The following MMS19 variants were observed in gnomAD, a reference collection of about 807,000 sequenced individuals.
The protein encoded by MMS19 is MMS19 nucleotide excision repair protein homolog.
In MMS19, 77 loss-of-function variants were observed where a neutral mutation model predicts 129.8. The ratio of observed to expected loss-of-function variants is 0.59; its 90% CI spans 0.49 to 0.72. The LOEUF is 0.72. Among genes scored for constraint, MMS19 ranks in the 30% least tolerant of loss-of-function variants. The pLI, the probability that MMS19 is intolerant of heterozygous loss-of-function variation, is 0.00. For missense variants in MMS19, 1,168 were observed against 1,266.3 expected, an observed-to-expected ratio of 0.92 and a Z score of 1.18; for synonymous variants, 491 against 502.8, an observed-to-expected ratio of 0.98 and a Z score of 0.31.
intron 3 of MMS19, chr10:97,480,153 G>T: frequency 2.7e-6 from 1 of 374,424 alleles, no homozygotes; most frequent in African/African-American, 2.2e-5. Context: ...CTTTTTTGCC[G>T]GCTATGTGAA....
intron 1 of MMS19, among the ~76,000 whole-genome samples, chr10:97,491,630 G>A (rs762123463): frequency 1.3e-5 from 2 of 152,040 alleles, no homozygotes; most frequent in Admixed American, 6.5e-5. Context: ...ACGCCTGGGC[G>A]ATAGAGCGAG....
At chr10:97,471,251 A>AAAAG (rs2034624892) in intron 8 of MMS19, among the ~76,000 whole-genome samples, 1 of 152,154 alleles carries the variant, frequency 6.6e-6, no homozygotes, top group East Asian at 1.9e-4. Flanking sequence ...CATATTAAGA[A>AAAAG]CATTTTTATG....
At position 97,470,843 on chromosome 10, in the gene MMS19, C is replaced by G; in HGVS notation, c.703G>C (p.Gly235Arg). 1 of 1,613,694 alleles carries G rather than the reference C, an allele frequency of 6.2e-7. No homozygotes were observed. ...AGGATGAGGTCTTCTCTCTGGATAC[C>G]ATGGGGATCATTAGGTGGCTGGAAA... ...DFTPPPNDPH[G>R]IQREDLILSL... Residue 235 changes from glycine to arginine, a missense_variant, in exon 9 of 31, where the codon GGT becomes CGT. By Grantham distance (125) the Gly-to-Arg change is moderately radical. This residue lies in a region of MMS19 where 329 missense variants were observed against 328.6 expected (regional missense o/e 1.00). Transcript: ENST00000438925.
At position 97,490,229 on chromosome 10, in the gene MMS19, C is replaced by T. The variant is rs2038646343; in HGVS notation, c.113-6078G>A. On this transcript the variant is annotated intron_variant, in intron 1 of 30. Coordinates refer to ENST00000438925, the MANE Select transcript of MMS19 (RefSeq NM_022362.5). ...GAGTAGCTGGGACTACAGGCATGCA[C>T]CACCATGCCCGCCTAATTTTTGTAT... 2.0e-5 allele frequency among the ~76,000 whole-genome samples: 3 copies of T among 152,194 alleles called. No individual in the cohort carries two copies. The South Asian group carries it at 6.2e-4, about 32-fold the overall frequency.
rs375239024 is a variant in MMS19, at chr10:97,468,452, G to A, written c.1064-46C>T. 8 of 1,538,216 alleles carry A rather than the reference G, an allele frequency of 5.2e-6. No individual in the cohort carries two copies. The African/African-American group carries it at 5.5e-5, about 11-fold the overall frequency. ...AGAGCTGGGGAGGAGGCCAAATGGT[G>A]CCTGACTCCCCTACAGTCCACAGAG... On this transcript the variant is annotated intron_variant, in intron 12 of 30. Coordinates refer to ENST00000438925, the MANE Select transcript of MMS19 (RefSeq NM_022362.5).
chr10:97,496,447 G>A (rs751700355), intron 1 of MMS19, among the ~76,000 whole-genome samples: 1 of 150,406 alleles, frequency 6.6e-6, no homozygotes, highest in East Asian at 2.0e-4. Flanking sequence ...CATAGGTCGA[G>A]GCTACAGTGA....
intron 1 of MMS19, 48 bp from the exon 2 acceptor site, chr10:97,484,199 C>T: frequency 8.0e-7 from 1 of 1,252,370 alleles, no homozygotes; most frequent in Non-Finnish European, 1.1e-6. Context: ...AAAAAACCTA[C>T]CAAAGGGTTG....
intron 18 of MMS19, among the ~76,000 whole-genome samples, chr10:97,465,042 CCT>C (rs993691310): frequency 2.7e-5 from 4 of 150,858 alleles, no homozygotes; most frequent in African/African-American, 9.8e-5. Context: ...GGAGTTTCAC[CCT>C]GTTTGCCCAG....
Position 97,459,579 on chromosome 10 carries a change from C to A in MMS19, c.2740-53G>T, listed in dbSNP as rs541737662. ...TGGCCACATCATGAAGATCCTGGTT[C>A]TTGTTCCCTCCCCTTTCTAGCCCCA... On this transcript the variant is annotated intron_variant, in intron 27 of 30. Transcript: ENST00000438925. 6.6e-5 allele frequency: 106 copies of A among 1,603,072 alleles called. 1 individual carries two copies. In the African/African-American group the frequency reaches 1.3e-3, roughly 20 times the overall value.
chr10:97,474,936 G>A (rs538974584), intron 8 of MMS19, among the ~76,000 whole-genome samples: 7 of 152,260 alleles, frequency 4.6e-5, no homozygotes, highest in African/African-American at 1.7e-4. Context: ...ATGAAATACT[G>A]TTCCTCTCCC....
chr10:97,461,521 T>A lies in MMS19; in HGVS notation c.2286A>T (p.Ala762=). The A allele has an allele frequency of 6.2e-7, 1 of 1,606,020 alleles. No individual in the cohort carries two copies. The highest frequency in any genetic ancestry group is 8.5e-7 in the Non-Finnish European group (1 of 1,176,262). ...CTGCAGGGTGCTTGTTGAGGAGTCC[T>A]GCAAAGCACTTGGCAGCAGCGGTGG... is the stretch of plus-strand genomic sequence containing the variant. ...FSSTAAAKCF[A]GLLNKHPAGQ... The change falls in exon 23 of 31, where the codon GCA becomes GCT. Residue 762 remains alanine, a synonymous_variant. Coordinates refer to ENST00000438925, the MANE Select transcript of MMS19 (RefSeq NM_022362.5).
rs374055380 is a variant in MMS19, at chr10:97,458,873, G to C, written c.2992C>G (p.Arg998Gly). 14 of 1,613,978 alleles carry C rather than the reference G, an allele frequency of 8.7e-6. No individual in the cohort carries two copies. Among genetic ancestry groups the C allele is most frequent in the Non-Finnish European group, 1.2e-5 (14 of 1,179,882 alleles). ...TCATCCAGGGGTTTGGCTAAGGCCC[G>C]AATCACCTGTGGTTTGTACGGCAGC... ...VLLPYKPQVI[R>G]ALAKPLDDKK... Residue 998 changes from arginine to glycine, a missense_variant, in exon 30 of 31, where the codon CGG becomes GGG. Around this residue, in one of 3 missense-constraint regions of MMS19, gnomAD observed 831 missense variants for 910.8 expected, o/e 0.91. Transcript: ENST00000438925.
rs766261313 is a variant in MMS19 at position 97,465,887 on chromosome 10, G to A, written c.1674C>T (p.Ala558=). 6.8e-6 allele frequency: 11 copies of A among 1,613,862 alleles called. No individual in the cohort carries two copies. In the South Asian group the frequency reaches 7.7e-5, roughly 11 times the overall value. ...QCSRHLCCLQ[A]LSAVSTHPSI... The stretch of plus-strand genomic sequence containing the variant: ...TGGGATGTGTTGATACAGCTGACAA[G>A]GCTTGCAGACAGCACAGATGCCGGG... Residue 558 remains alanine (A), a synonymous_variant, in exon 18 of 31, where the codon GCC becomes GCT. Transcript: ENST00000438925.
chr10:97,461,368 T>C, intron 23 of MMS19, 128 bp downstream of exon 23: 1 of 1,152,172 alleles, frequency 8.7e-7, no homozygotes, highest in Non-Finnish European at 1.2e-6. Flanking sequence ...CCCAGGACAG[T>C]GCTTGAGCAG....
chr10:97,487,425 T>G (rs2038107364), intron 1 of MMS19, among the ~76,000 whole-genome samples: 1 of 151,494 alleles, frequency 6.6e-6, no homozygotes, highest in African/African-American at 2.4e-5. Flanking sequence ...TTCATGCCAT[T>G]CTCCTGCCTC....
At position 97,498,368 on chromosome 10, in the gene MMS19, G is replaced by C; in HGVS notation, c.17C>G (p.Ala6Gly). The C allele has an allele frequency of 1.9e-6, 3 of 1,576,598 alleles. No individual in the cohort carries two copies. The highest frequency in any genetic ancestry group is 1.7e-6 in the Non-Finnish European group (2 of 1,169,080). Residue 6 changes from alanine (A) to glycine (G), a missense_variant, in exon 1 of 31, where the codon GCT (alanine) becomes GGT (glycine). By Grantham distance (60) the Ala-to-Gly change is moderately conservative (BLOSUM62 0). Around this residue, in one of 3 missense-constraint regions of MMS19, gnomAD observed 329 missense variants for 328.6 expected, o/e 1.00. Coordinates refer to ENST00000438925, the MANE Select transcript of MMS19 (RefSeq NM_022362.5). MAAAA[A>G]VEAAAPMGAL... is the part of the protein sequence containing the mutation. ...ACCCATAGGCGCCGCCGCCTCCACAGCCGCGGCAGCGGCCATAACGCGAAC... is the reference window on the plus strand; with the variant it reads ...ACCCATAGGCGCCGCCGCCTCCACACCCGCGGCAGCGGCCATAACGCGAAC...
In MMS19 at chr10:97,466,413, G is replaced by C. The variant is rs29001316; in HGVS notation, c.1505+91C>G. ...CTCCCCTAAGGAGAGCCAAGGGTCA[G>C]AAGCACAGAGCCCTGGTCCTAGCTT... On this transcript the variant is annotated intron_variant, in intron 16 of 30. Coordinates refer to ENST00000438925, the MANE Select transcript of MMS19 (RefSeq NM_022362.5). 43 of 1,078,860 alleles carry C rather than the reference G, an allele frequency of 4.0e-5. No individual in the cohort carries two copies. The East Asian group carries it at 1.0e-3, about 25-fold the overall frequency. The allele number at this position is 1,078,860 out of a possible 1,614,324, so 66.8% of individuals were successfully genotyped here.
At chr10:97,460,595 CAAA>C in intron 25 of MMS19, 97 bp downstream of exon 25, 2 of 1,049,832 alleles carry the variant, frequency 1.9e-6, no homozygotes, top group Non-Finnish European at 2.9e-6. Flanking sequence ...GAAAAGAAAA[CAAA>C]AAACACACAG....
At chr10:97,491,081 T>G (rs2038787640) in intron 1 of MMS19, among the ~76,000 whole-genome samples, 1 of 152,170 alleles carries the variant, frequency 6.6e-6, no homozygotes, top group African/African-American at 2.4e-5. Context: ...AAAGGGTACT[T>G]TCTTGGAACA....
Sources: gnomAD v4.1 joint callset for allele counts (sites outside exome capture counted in the v4.1 genomes callset) on GRCh38, gnomAD v4.1.1 for gene constraint, gnomAD v4.1.1 regional missense constraint, MANE v1.5 for transcripts, NCBI Gene and HGNC (gene_info 2026-07-23, HGNC 2026-07-21) for gene names.